The following TMEM161B variants were observed in gnomAD, a reference collection of about 807,000 sequenced individuals.
The protein encoded by TMEM161B is transmembrane protein 161B.
In TMEM161B, 34 loss-of-function variants were observed where a neutral mutation model predicts 61.8. The observed-to-expected ratio is 0.55, with a 90% CI of 0.42 to 0.73. The LOEUF (loss-of-function observed/expected upper bound fraction) is 0.73. Ranked by LOEUF, TMEM161B falls within the 30% of genes least tolerant of loss-of-function variation. The pLI, the probability that TMEM161B is intolerant of heterozygous loss-of-function variation, is 0.00. For missense variants in TMEM161B, 456 were observed against 558.5 expected (o/e 0.82, Z 1.85); for synonymous variants, 167 against 192.8 (o/e 0.87, Z 1.11).
intron 5 of TMEM161B, among the ~76,000 whole-genome samples, chr5:88,208,007 C>T (rs537488193): frequency 3.5e-4 from 54 of 152,224 alleles, no homozygotes; most frequent in African/African-American, 1.3e-3. Flanking sequence ...ATTATTATTG[C>T]TACTTTACAG....
intron 5 of TMEM161B, among the ~76,000 whole-genome samples, chr5:88,218,212 A>C (rs1036933508): frequency 2.6e-5 from 4 of 152,178 alleles, no homozygotes; most frequent in African/African-American, 9.7e-5. Context: ...CTGAATAATA[A>C]GCATTCCAGA....
At chr5:88,227,058 G>A (rs1461983099) in intron 3 of TMEM161B, among the ~76,000 whole-genome samples, 1 of 152,098 alleles carries the variant, frequency 6.6e-6, no homozygotes, top group Non-Finnish European at 1.5e-5. Context: ...GCATGGTGTT[G>A]CATGCATCTG....
rs146194063 is a variant in TMEM161B, at chr5:88,196,443, G to T, written c.1232C>A (p.Pro411Gln). The change falls in exon 12 of 12, where the codon CCA becomes CAA. Residue 411 changes from proline to glutamine, a missense_variant. Transcript: ENST00000296595. Reference sequence around the variant, plus strand: ...ATTGGACAGTAGACTATTATCCACTGGTAAGGTAGAGATAGATTCTGGATA... The same window carrying T: ...ATTGGACAGTAGACTATTATCCACTTGTAAGGTAGAGATAGATTCTGGATA... ...GIYPESISTL[P>Q]VDNSLLSNSV... is the part of the protein sequence containing the mutation. The T allele has an allele frequency of 1.2e-6, 2 of 1,611,992 alleles. No individual in the cohort carries two copies. Among genetic ancestry groups the T allele is most frequent in the African/African-American group, 2.7e-5 (2 of 74,694 alleles).
chr5:88,187,811 GT>G (rs1245453405), downstream of TMEM161B, among the ~76,000 whole-genome samples: 3 of 151,958 alleles, frequency 2.0e-5, no homozygotes, highest in African/African-American at 4.8e-5. Flanking sequence ...TATTTCATTG[GT>G]TTTTGCTGAA....
At chr5:88,215,857 C>T (rs1747731520) in intron 5 of TMEM161B, among the ~76,000 whole-genome samples, 1 of 152,298 alleles carries the variant, frequency 6.6e-6, no homozygotes, top group South Asian at 2.1e-4. Context: ...TTCTCTGGTA[C>T]ATATGTATCA....
chr5:88,189,414 T>A (rs1259767827), downstream of TMEM161B, among the ~76,000 whole-genome samples: 1 of 152,120 alleles, frequency 6.6e-6, no homozygotes, highest in African/African-American at 2.4e-5. Context: ...CCAGGCTTGG[T>A]CTTGCCTTCT....
At chr5:88,199,553 A>G (rs1743971157) in intron 9 of TMEM161B, 1 of 154,440 alleles carries the variant, frequency 6.5e-6, no homozygotes, top group Admixed American at 6.5e-5. Flanking sequence ...GCCTGATCAT[A>G]TACCTACTTG....
chr5:88,264,758 T>C (rs894527157), intron 1 of TMEM161B, among the ~76,000 whole-genome samples: 2 of 152,044 alleles, frequency 1.3e-5, no homozygotes, highest in Admixed American at 1.3e-4. Flanking sequence ...TATGCAGCCA[T>C]AAAAAAGAAT....
chr5:88,268,600 A>C, intron 1 of TMEM161B, 121 bp downstream of exon 1: 1 of 1,391,706 alleles, frequency 7.2e-7, no homozygotes, highest in Non-Finnish European at 1.0e-6. Context: ...CCTACCCAGC[A>C]GCTCATCCCA....
At chr5:88,263,993 G>A (rs1334956335) in intron 1 of TMEM161B, among the ~76,000 whole-genome samples, 3 of 152,022 alleles carry the variant, frequency 2.0e-5, no homozygotes, top group Admixed American at 6.6e-5. Context: ...ATACATGACC[G>A]AATCCATCCT....
intron 4 of TMEM161B, among the ~76,000 whole-genome samples, chr5:88,223,408 AG>A (rs1182661347): frequency 6.6e-6 from 1 of 152,212 alleles, no homozygotes; most frequent in Non-Finnish European, 1.5e-5. Flanking sequence ...ACTAAAAATC[AG>A]GAAGAATGTT....
At chr5:88,243,714 A>G (rs746038432) in intron 1 of TMEM161B, among the ~76,000 whole-genome samples, 8 of 151,954 alleles carry the variant, frequency 5.3e-5, no homozygotes, top group Non-Finnish European at 8.8e-5. Context: ...TCCCACCAGC[A>G]GAGCATAAGT....
chr5:88,220,239 T>C (rs903056094), intron 5 of TMEM161B, among the ~76,000 whole-genome samples: 1 of 151,882 alleles, frequency 6.6e-6, no homozygotes, highest in African/African-American at 2.4e-5. Flanking sequence ...GGGAGAAAGG[T>C]GCAATAATAT....
At chr5:88,224,965 G>GTTT (rs1008381182) in intron 4 of TMEM161B, among the ~76,000 whole-genome samples, 2 of 131,106 alleles carry the variant, frequency 1.5e-5, no homozygotes, top group Non-Finnish European at 1.6e-5. Context: ...ATATGTTTTT[G>GTTT]TTTTTTTTTT....
intron 1 of TMEM161B, among the ~76,000 whole-genome samples, chr5:88,245,061 A>G (rs1433459155): frequency 6.6e-6 from 1 of 151,834 alleles, no homozygotes; most frequent in African/African-American, 2.4e-5. Context: ...GGTTTTCTAG[A>G]TATGGAATCA....
chr5:88,233,154 A>T (rs1371837690), intron 2 of TMEM161B, among the ~76,000 whole-genome samples: 1 of 152,232 alleles, frequency 6.6e-6, no homozygotes, highest in Non-Finnish European at 1.5e-5. Flanking sequence ...TATAATCACA[A>T]CCAATTAAAG....
At chr5:88,224,155 CA>C (rs1265014721) in intron 4 of TMEM161B, among the ~76,000 whole-genome samples, 1 of 152,072 alleles carries the variant, frequency 6.6e-6, no homozygotes, top group Non-Finnish European at 1.5e-5. Context: ...ATGACATTAT[CA>C]AAATTATTTT....
chr5:88,203,064 T>G lies in TMEM161B; in HGVS notation c.812A>C (p.His271Pro). The G allele has an allele frequency of 1.9e-6, 3 of 1,586,182 alleles. No individual in the cohort carries two copies. The highest frequency in any genetic ancestry group is 2.6e-6 in the Non-Finnish European group (3 of 1,155,372). ...ATEKITQTLL[H>P]INFLAPLFMV... ...AAATAAAGGTGCCAAGAAGTTGATA[T>G]GAAGTAAAGTTCTGAAAGTACGTAA... The change falls in exon 9 of 12, where the codon CAT becomes CCT. Residue 271 changes from histidine to proline, a missense_variant. Around this residue, in one of 3 missense-constraint regions of TMEM161B, gnomAD observed 367 missense variants for 427.3 expected, o/e 0.86. Transcript: ENST00000296595.
At chr5:88,221,596 C>T (rs191716496) in intron 4 of TMEM161B, 6 of 422,832 alleles carry the variant, frequency 1.4e-5, no homozygotes, top group African/African-American at 1.0e-4. Context: ...TAAAACCATA[C>T]CCCTTCAACA....
Sources: allele counts gnomAD v4.1 joint callset (sites outside exome capture counted in the v4.1 genomes callset), GRCh38; gene constraint gnomAD v4.1.1; regional missense constraint gnomAD v4.1.1; transcripts MANE v1.5; gene names NCBI Gene and HGNC (gene_info 2026-07-23, HGNC 2026-07-21).